FMNL2: variants seen among roughly 807,000 people sequenced by gnomAD.
FMNL2 encodes formin like 2.
Under a neutral mutation model 130.2 loss-of-function variants are expected in FMNL2, and 51 were observed. That is an observed-to-expected ratio of 0.39 (90% CI 0.31 to 0.49). FMNL2 has a LOEUF of 0.49. Among genes scored for constraint, FMNL2 ranks in the 20% least tolerant of loss-of-function variants. The probability of loss-of-function intolerance (pLI) is 0.85; values close to 1 mark genes in which losing one functional copy is unlikely to be tolerated. For synonymous variants in FMNL2, 465 were observed against 467.1 expected, an observed-to-expected ratio of 1.00 and a Z score of 0.06; for missense variants, 977 against 1,316.2, an observed-to-expected ratio of 0.74 and a Z score of 3.99.
At chr2:152,569,886 C>A (rs1439496326) in intron 6 of FMNL2, among the ~76,000 whole-genome samples, 3 of 151,452 alleles carry the variant, frequency 2.0e-5, no homozygotes, top group African/African-American at 7.3e-5. Flanking sequence ...TGGCACATGC[C>A]TGTAATCTCA....
chr2:152,488,839 A>G (rs1032529999), intron 1 of FMNL2, among the ~76,000 whole-genome samples: 1 of 152,180 alleles, frequency 6.6e-6, no homozygotes, highest in Non-Finnish European at 1.5e-5. Context: ...GCACTTTGGG[A>G]GGCTGAGGCG....
intron 1 of FMNL2, among the ~76,000 whole-genome samples, chr2:152,517,180 A>AT (rs1692821179): frequency 1.5e-5 from 1 of 65,550 alleles, no homozygotes; most frequent in South Asian, 5.9e-4. Flanking sequence ...TTCCCCCGTG[A>AT]GTTTTTTTTG....
chr2:152,596,416 A>C (rs1479866478), intron 9 of FMNL2, among the ~76,000 whole-genome samples: 3 of 152,092 alleles, frequency 2.0e-5, no homozygotes, highest in Admixed American at 6.6e-5. Flanking sequence ...TCTTGCAAGG[A>C]ATTTTACTAT....
intron 1 of FMNL2, among the ~76,000 whole-genome samples, chr2:152,495,640 G>A (rs1691463670): frequency 7.8e-5 from 1 of 12,818 alleles, no homozygotes; most frequent in South Asian, 2.1e-3. Context: ...GACAGAGTGA[G>A]ACTCCGTCTC....
intron 1 of FMNL2, among the ~76,000 whole-genome samples, chr2:152,383,134 A>G (rs1394495709): frequency 6.6e-6 from 1 of 152,168 alleles, no homozygotes; most frequent in Non-Finnish European, 1.5e-5. Context: ...CAAATAGGGC[A>G]GAGAGAGAGG....
chr2:152,612,431 G>T (rs1447766220), intron 11 of FMNL2, among the ~76,000 whole-genome samples: 1 of 152,132 alleles, frequency 6.6e-6, no homozygotes, highest in Non-Finnish European at 1.5e-5. Flanking sequence ...GAAGTGGGGG[G>T]ATCATTGGAG....
chr2:152,504,931 G>A (rs566686831), intron 1 of FMNL2, among the ~76,000 whole-genome samples: 36 of 152,288 alleles, frequency 2.4e-4, no homozygotes, highest in African/African-American at 8.4e-4. Context: ...ATACTGACGT[G>A]TAAGGAAAAG....
intron 1 of FMNL2, among the ~76,000 whole-genome samples, chr2:152,438,750 A>G (rs987132941): frequency 3.3e-5 from 5 of 152,160 alleles, no homozygotes; most frequent in African/African-American, 1.2e-4. Context: ...CTCTGAGTAA[A>G]CAATCAGGCT....
At chr2:152,621,123 T>A (rs772287333) in intron 15 of FMNL2, 33 of 985,256 alleles carry the variant, frequency 3.3e-5, no homozygotes, top group Non-Finnish European at 4.0e-5. Flanking sequence ...CCCATTATCG[T>A]CCCGTGCACC....
intron 25 of FMNL2, among the ~76,000 whole-genome samples, chr2:152,647,022 T>G (rs1683647436): frequency 6.6e-6 from 1 of 152,202 alleles, no homozygotes; most frequent in Admixed American, 6.5e-5. Flanking sequence ...ACAAGGATTT[T>G]CTTATGCAGG....
rs528281078 is a variant in FMNL2 at position 152,483,658 on chromosome 2, T to C, written c.118-38285T>C. On this transcript the variant is annotated intron_variant, in intron 1 of 25. Coordinates refer to ENST00000288670, the MANE Select transcript of FMNL2 (RefSeq NM_052905.4). ...TGCTAAGCCCCAGGAAAAGATTCCA[T>C]GTTGACATTATTTGTGTTTAATAGC... 2.0e-4 allele frequency among the ~76,000 whole-genome samples: 30 copies of C among 152,354 alleles called. 1 individual carries two copies. The highest frequency in any genetic ancestry group is 7.0e-4 in the African/African-American group (29 of 41,584).
At chr2:152,375,306 C>CTGAA in intron 1 of FMNL2, among the ~76,000 whole-genome samples, 1 of 152,342 alleles carries the variant, frequency 6.6e-6, no homozygotes, top group South Asian at 2.1e-4. Context: ...ACCTTCTCTA[C>CTGAA]CAGCAGTAGC....
At chr2:152,478,229 C>T (rs1419130013) in intron 1 of FMNL2, among the ~76,000 whole-genome samples, 2 of 116,904 alleles carry the variant, frequency 1.7e-5, no homozygotes, top group East Asian at 5.1e-4. Context: ...TACATATATA[C>T]ATATATATAT....
chr2:152,349,068 C>T (rs1682312861), intron 1 of FMNL2, among the ~76,000 whole-genome samples: 1 of 125,804 alleles, frequency 7.9e-6, no homozygotes, highest in Admixed American at 7.3e-5. Context: ...ATCTCCTGAC[C>T]TCATGATCCA....
chr2:152,371,583 C>A (rs1462371443), intron 1 of FMNL2, among the ~76,000 whole-genome samples: 1 of 148,912 alleles, frequency 6.7e-6, no homozygotes, highest in Non-Finnish European at 1.5e-5. Context: ...GCAGGAGAAT[C>A]GCTTGAACCT....
At chr2:152,350,514 G>A (rs928821124) in intron 1 of FMNL2, among the ~76,000 whole-genome samples, 2 of 152,204 alleles carry the variant, frequency 1.3e-5, no homozygotes, top group African/African-American at 4.8e-5. Flanking sequence ...TTTGAGAATG[G>A]ACTGTTTGAT....
At chr2:152,528,333 A>G (rs1026678238) in intron 2 of FMNL2, among the ~76,000 whole-genome samples, 5 of 152,216 alleles carry the variant, frequency 3.3e-5, no homozygotes, top group Admixed American at 2.6e-4. Flanking sequence ...GTGGCTTACA[A>G]TAACAGAAAT....
intron 18 of FMNL2, 141 bp downstream of exon 18, chr2:152,628,674 C>A: frequency 2.9e-6 from 2 of 695,902 alleles, no homozygotes; most frequent in Non-Finnish European, 4.8e-6. Context: ...ATTTTTATTT[C>A]AACCATCTTT....
rs371641314 is a variant in FMNL2 at position 152,619,470 on chromosome 2, G to A, written c.1628-39G>A. On this transcript the variant is annotated intron_variant, in intron 14 of 25. Coordinates refer to ENST00000288670, the MANE Select transcript of FMNL2 (RefSeq NM_052905.4). ...GGCTTATTGCAGGAAAGCCATTCCC[G>A]TATTTTCAAAGTCCATCTGTTTCTT... 76 of 1,549,422 alleles carry A rather than the reference G, an allele frequency of 4.9e-5. No individual in the cohort carries two copies. In the South Asian group the frequency reaches 6.6e-4, roughly 13 times the overall value.
Sources: gnomAD v4.1 joint callset for allele counts (sites outside exome capture counted in the v4.1 genomes callset) on GRCh38, gnomAD v4.1.1 for gene constraint, MANE v1.5 for transcripts, NCBI Gene and HGNC (gene_info 2026-07-23, HGNC 2026-07-21) for gene names.